The following CCDC91 variants were observed in gnomAD, a reference collection of about 807,000 sequenced individuals.
CCDC91 encodes coiled-coil domain-containing protein 91.
In CCDC91, 48 loss-of-function variants were observed where a neutral mutation model predicts 63.2. That is an observed-to-expected ratio of 0.76 (90% CI 0.60 to 0.97). The LOEUF (loss-of-function observed/expected upper bound fraction) is 0.97. Among genes scored for constraint, CCDC91 ranks in the 50% least tolerant of loss-of-function variants. The probability of loss-of-function intolerance (pLI) is 0.00; values close to 1 mark genes in which losing one functional copy is unlikely to be tolerated. For synonymous variants in CCDC91, 167 were observed against 165.8 expected (o/e 1.01, Z -0.06); for missense variants, 500 against 494.6 (o/e 1.01, Z -0.10).
At chr12:28,386,839 G>A (rs1945633961) in intron 7 of CCDC91, among the ~76,000 whole-genome samples, 1 of 152,112 alleles carries the variant, frequency 6.6e-6, no homozygotes, top group African/African-American at 2.4e-5. Flanking sequence ...ATGTTGGTAT[G>A]TATCTTGGCA....
Position 28,280,991 on chromosome 12 carries a change from T to TAAATAA in CCDC91, c.109+21552_109+21553insTAAAAA, listed in dbSNP as rs1304678227. Among the ~76,000 whole-genome samples, 3 of 151,998 alleles carry TAAATAA rather than the reference T, an allele frequency of 2.0e-5. No individual in the cohort carries two copies. The South Asian group carries it at 6.3e-4, about 32-fold the overall frequency. ...GATTCTGTCTAAAAAAATAAATAAA[T>TAAATAA]AAAAAGATATCCTATGCAATATGGC... On this transcript the variant is annotated intron_variant, in intron 3 of 12. Coordinates refer to ENST00000536442, the MANE Select transcript of CCDC91 (RefSeq NM_018318.5).
chr12:28,357,473 G>T (rs1246305413), intron 6 of CCDC91, among the ~76,000 whole-genome samples: 1 of 152,060 alleles, frequency 6.6e-6, no homozygotes, highest in African/African-American at 2.4e-5. Flanking sequence ...ACCATGACTA[G>T]TTATATGTCT....
chr12:28,210,001 C>T (rs1319650321), intron 1 of CCDC91, among the ~76,000 whole-genome samples: 1 of 152,098 alleles, frequency 6.6e-6, no homozygotes, highest in Non-Finnish European at 1.5e-5. Context: ...TTCCGTAGAC[C>T]ATCTACAACA....
chr12:28,407,341 T>C (rs1283416821), intron 8 of CCDC91, among the ~76,000 whole-genome samples: 1 of 152,216 alleles, frequency 6.6e-6, no homozygotes, highest in East Asian at 1.9e-4. Flanking sequence ...ACCATATATA[T>C]GTGGATCTAT....
chr12:28,501,978 T>C (rs1937948947), intron 12 of CCDC91, among the ~76,000 whole-genome samples: 1 of 152,084 alleles, frequency 6.6e-6, no homozygotes, highest in Non-Finnish European at 1.5e-5. Context: ...TTTTAGATTT[T>C]CTAGTTTATT....
intron 3 of CCDC91, among the ~76,000 whole-genome samples, chr12:28,277,516 T>C (rs1363362043): frequency 6.6e-6 from 1 of 152,066 alleles, no homozygotes; most frequent in Non-Finnish European, 1.5e-5. Context: ...ACTTACATGA[T>C]GCTGAAAGCA....
At chr12:28,522,180 C>T (rs1233180214) in intron 12 of CCDC91, among the ~76,000 whole-genome samples, 3 of 152,074 alleles carry the variant, frequency 2.0e-5, no homozygotes, top group South Asian at 2.1e-4. Flanking sequence ...TGGTAGAATT[C>T]GGCTGTGAAT....
At chr12:28,275,595 G>T (rs138106667) in intron 3 of CCDC91, among the ~76,000 whole-genome samples, 1 of 152,058 alleles carries the variant, frequency 6.6e-6, no homozygotes, top group African/African-American at 2.4e-5. Flanking sequence ...AATAGAAAAC[G>T]AGGGAATCCT....
intron 1 of CCDC91, among the ~76,000 whole-genome samples, chr12:28,248,001 ACCT>A (rs1945869268): frequency 6.6e-6 from 1 of 151,932 alleles, no homozygotes; most frequent in South Asian, 2.1e-4. Flanking sequence ...CTGGCCACTC[ACCT>A]CCTGCTGTGC....
At chr12:28,326,263 C>A (rs907700332) in intron 6 of CCDC91, among the ~76,000 whole-genome samples, 15 of 151,966 alleles carry the variant, frequency 9.9e-5, no homozygotes, top group African/African-American at 3.4e-4. Context: ...AACTACGGTT[C>A]GTTTTTGAGC....
At chr12:28,453,888 A>G (rs781310582) in intron 11 of CCDC91, among the ~76,000 whole-genome samples, 106 of 152,174 alleles carry the variant, frequency 7.0e-4, no homozygotes, top group Non-Finnish European at 1.3e-3. Flanking sequence ...CATCACTTGA[A>G]TTGGGTAAGA....
At chr12:28,345,686 G>A (rs1364854035) in intron 6 of CCDC91, among the ~76,000 whole-genome samples, 1 of 151,786 alleles carries the variant, frequency 6.6e-6, no homozygotes, top group Non-Finnish European at 1.5e-5. Context: ...TTTTTCTGGT[G>A]CCCCAACAGC....
At position 28,373,589 on chromosome 12, in the gene CCDC91, C is replaced by T. The variant is rs1944756246; in HGVS notation, c.654+11074C>T. On this transcript the variant is annotated intron_variant, in intron 7 of 12. Transcript: ENST00000536442. ...ACTGATTCTTTCTCCTCGTAACTGA[C>T]ATCTATTAATACAAGTTTCTATACA... is the stretch of plus-strand genomic sequence containing the variant. 2.0e-5 allele frequency among the ~76,000 whole-genome samples: 3 copies of T among 148,240 alleles called. No homozygotes were observed. In the South Asian group the frequency reaches 6.7e-4, roughly 33 times the overall value.
chr12:28,318,134 C>T (rs1053227642), intron 6 of CCDC91, among the ~76,000 whole-genome samples: 4 of 151,688 alleles, frequency 2.6e-5, no homozygotes, highest in Non-Finnish European at 2.9e-5. Context: ...GAAGAGTATA[C>T]AAATTTTATT....
chr12:28,315,884 T>C (rs968110432), intron 6 of CCDC91, among the ~76,000 whole-genome samples: 1 of 151,898 alleles, frequency 6.6e-6, no homozygotes, highest in Admixed American at 6.6e-5. Flanking sequence ...ATCTCCTTCC[T>C]TCTGTCTCAT....
At chr12:28,324,341 G>A (rs1592310025) in intron 6 of CCDC91, among the ~76,000 whole-genome samples, 1 of 151,724 alleles carries the variant, frequency 6.6e-6, no homozygotes, top group Non-Finnish European at 1.5e-5. Context: ...TCACTCTATA[G>A]CAAATTAATA....
intron 12 of CCDC91, among the ~76,000 whole-genome samples, chr12:28,527,560 A>G (rs911709564): frequency 1.3e-5 from 2 of 151,998 alleles, no homozygotes; most frequent in South Asian, 2.1e-4. Context: ...TTAGTGTGCT[A>G]TTTTTGTGCT....
At chr12:28,518,831 A>G (rs1326407199) in intron 12 of CCDC91, among the ~76,000 whole-genome samples, 3 of 152,030 alleles carry the variant, frequency 2.0e-5, no homozygotes, top group Non-Finnish European at 4.4e-5. Flanking sequence ...ATATTTGTAT[A>G]AGGTGAGAGA....
chr12:28,438,573 T>C (rs1421626134), intron 8 of CCDC91, among the ~76,000 whole-genome samples: 2 of 152,112 alleles, frequency 1.3e-5, no homozygotes, highest in African/African-American at 4.8e-5. Flanking sequence ...TTATCTTATA[T>C]ACATGCATTA....
Sources: gnomAD v4.1 joint callset for allele counts (sites outside exome capture counted in the v4.1 genomes callset) on GRCh38, gnomAD v4.1.1 for gene constraint, MANE v1.5 for transcripts, NCBI Gene and HGNC (gene_info 2026-07-23, HGNC 2026-07-21) for gene names.